The following CSMD1 variants were observed in gnomAD, a reference collection of about 807,000 sequenced individuals.
CSMD1 encodes CUB and sushi domain-containing protein 1.
Under a neutral mutation model 417.5 loss-of-function variants are expected in CSMD1, and 213 were observed. The observed-to-expected ratio is 0.51, with a 90% CI of 0.46 to 0.57. CSMD1 has a LOEUF of 0.57. Ranked by LOEUF, CSMD1 falls within the 20% of genes least tolerant of loss-of-function variation. CSMD1 has a pLI of 0.00. For synonymous variants in CSMD1, 2,862 were observed against 1,736.8 expected, an observed-to-expected ratio of 1.65 and a Z score of -16.11; for missense variants, 6,923 against 4,529.7, an observed-to-expected ratio of 1.53 and a Z score of -15.17.
intron 1 of CSMD1, among the ~76,000 whole-genome samples, chr8:4,786,705 A>T (rs1227396509): frequency 6.6e-6 from 1 of 152,210 alleles, no homozygotes; most frequent in Non-Finnish European, 1.5e-5. Flanking sequence ...TTCAACATGC[A>T]AGAACAATTT....
In CSMD1 at chr8:4,672,815, A is replaced by C. The variant is rs1233032178; in HGVS notation, c.86-35257T>G. Among the ~76,000 whole-genome samples the C allele has an allele frequency of 3.3e-5, 5 of 152,102 alleles. No individual in the cohort carries two copies. In the East Asian group the frequency reaches 9.7e-4, roughly 29 times the overall value. On this transcript the variant is annotated intron_variant, in intron 1 of 69. Transcript: ENST00000635120. ...ACTTACACTCACATGCATGGTAACAAAACACACACACACACTCCCGTATGT... is the reference window on the plus strand; with the variant it reads ...ACTTACACTCACATGCATGGTAACACAACACACACACACACTCCCGTATGT...
At chr8:3,292,455 G>C (rs1803650363) in intron 25 of CSMD1, among the ~76,000 whole-genome samples, 1 of 152,018 alleles carries the variant, frequency 6.6e-6, no homozygotes, top group African/African-American at 2.4e-5. Context: ...TTATTGTGTG[G>C]GTGTCTGAGT....
intron 1 of CSMD1, among the ~76,000 whole-genome samples, chr8:4,804,117 A>C (rs2117298418): frequency 6.6e-6 from 1 of 152,348 alleles, no homozygotes; most frequent in Admixed American, 6.5e-5. Flanking sequence ...TTCCACAATA[A>C]CGAGAAACTA....
intron 1 of CSMD1, among the ~76,000 whole-genome samples, chr8:4,802,925 C>A (rs747347542): frequency 6.6e-6 from 1 of 152,078 alleles, no homozygotes; most frequent in African/African-American, 2.4e-5. Context: ...TGGAGAGAGG[C>A]AGAATAAAGT....
chr8:4,587,836 C>G (rs1356117157), intron 2 of CSMD1, among the ~76,000 whole-genome samples: 2 of 152,182 alleles, frequency 1.3e-5, no homozygotes, highest in Non-Finnish European at 2.9e-5. Context: ...TTCCACAACT[C>G]TGTAACTATA....
intron 6 of CSMD1, among the ~76,000 whole-genome samples, chr8:3,716,060 G>T (rs748620443): frequency 6.6e-6 from 1 of 152,238 alleles, no homozygotes; most frequent in Non-Finnish European, 1.5e-5. Flanking sequence ...CCACCCTCCT[G>T]TTCACTCTGA....
In CSMD1 at chr8:4,369,009, G is replaced by C. The variant is rs150546399; in HGVS notation, c.415+50944C>G. Among the ~76,000 whole-genome samples the C allele has an allele frequency of 2.8e-3, 422 of 152,042 alleles. 1 individual carries two copies. Among genetic ancestry groups the C allele is most frequent in the African/African-American group, 9.8e-3 (405 of 41,474 alleles). On this transcript the variant is annotated intron_variant, in intron 3 of 69. Coordinates refer to ENST00000635120, the MANE Select transcript of CSMD1 (RefSeq NM_033225.6). ...CTATGTTTGGGGATGGTTTGCTCTG[G>C]TTTTTCTAGTTCCTCTAGGTTTGAT... is the stretch of plus-strand genomic sequence containing the variant.
chr8:4,071,762 G>A (rs767760063), intron 3 of CSMD1, among the ~76,000 whole-genome samples: 1 of 152,060 alleles, frequency 6.6e-6, no homozygotes, highest in Non-Finnish European at 1.5e-5. Flanking sequence ...CGTCTTTGGG[G>A]TTTTATTTTT....
chr8:3,570,456 G>C (rs138878979), intron 10 of CSMD1, among the ~76,000 whole-genome samples: 85 of 152,214 alleles, frequency 5.6e-4, no homozygotes, highest in African/African-American at 1.9e-3. Flanking sequence ...TCCATCTCTA[G>C]CCAAACATGC....
chr8:4,287,045 T>C (rs538704361), intron 3 of CSMD1, among the ~76,000 whole-genome samples: 3 of 152,320 alleles, frequency 2.0e-5, no homozygotes, highest in South Asian at 2.1e-4. Context: ...TAGAGAATGA[T>C]TGTACACTAA....
At chr8:4,943,539 A>C (rs1003183277) in intron 1 of CSMD1, among the ~76,000 whole-genome samples, 1 of 139,622 alleles carries the variant, frequency 7.2e-6, no homozygotes, top group African/African-American at 2.7e-5. Context: ...AAAATAAAAT[A>C]AAATCATCAC....
At chr8:4,394,290 A>C (rs1804058301) in intron 3 of CSMD1, among the ~76,000 whole-genome samples, 1 of 152,184 alleles carries the variant, frequency 6.6e-6, no homozygotes, top group Non-Finnish European at 1.5e-5. Context: ...GAAGTTGAGT[A>C]AAAATGTTTA....
intron 54 of CSMD1, among the ~76,000 whole-genome samples, chr8:2,983,287 C>A (rs1283694353): frequency 6.6e-6 from 1 of 152,038 alleles, no homozygotes; most frequent in Non-Finnish European, 1.5e-5. Context: ...GCTGGATTCA[C>A]GCCATTCTCC....
At chr8:4,455,314 A>C (rs1261361809) in intron 2 of CSMD1, among the ~76,000 whole-genome samples, 1 of 152,226 alleles carries the variant, frequency 6.6e-6, no homozygotes, top group African/African-American at 2.4e-5. Flanking sequence ...TTAGCAAAGA[A>C]GATGATCACA....
At chr8:4,810,901 A>G (rs1306871453) in intron 1 of CSMD1, among the ~76,000 whole-genome samples, 1 of 152,230 alleles carries the variant, frequency 6.6e-6, no homozygotes. Flanking sequence ...ATCAGATAAA[A>G]TTAACTGCTA....
chr8:3,828,251 C>T (rs780809393), intron 5 of CSMD1, among the ~76,000 whole-genome samples: 49 of 152,226 alleles, frequency 3.2e-4, no homozygotes, highest in South Asian at 1.5e-3. Flanking sequence ...TAAATGACAA[C>T]GTTATGTAAG....
intron 4 of CSMD1, among the ~76,000 whole-genome samples, chr8:4,030,093 A>G (rs968944215): frequency 6.6e-6 from 1 of 152,174 alleles, no homozygotes; most frequent in Non-Finnish European, 1.5e-5. Flanking sequence ...GGATGCTTTC[A>G]TGGGCTGCTG....
chr8:2,985,538 G>C (rs1426133308), intron 54 of CSMD1, among the ~76,000 whole-genome samples: 1 of 152,162 alleles, frequency 6.6e-6, no homozygotes, highest in African/African-American at 2.4e-5. Context: ...ATTACACAAT[G>C]CATAGGCAAT....
chr8:4,093,031 G>C (rs1355572920), intron 3 of CSMD1, among the ~76,000 whole-genome samples: 2 of 152,030 alleles, frequency 1.3e-5, no homozygotes, highest in Non-Finnish European at 2.9e-5. Context: ...GAACATTTTT[G>C]TGACTTGTTG....
Sources: allele counts gnomAD v4.1 joint callset (sites outside exome capture counted in the v4.1 genomes callset), GRCh38; gene constraint gnomAD v4.1.1; transcripts MANE v1.5; gene names NCBI Gene and HGNC (gene_info 2026-07-23, HGNC 2026-07-21).